The following CACNB2 variants were observed in gnomAD, a reference collection of about 807,000 sequenced individuals.
CACNB2 encodes the protein voltage-dependent L-type calcium channel subunit beta-2.
In CACNB2, 42 loss-of-function variants were observed where a neutral mutation model predicts 73.3. That is an observed-to-expected ratio of 0.57 (90% CI 0.45 to 0.74). CACNB2 has a LOEUF of 0.74. CACNB2 is among the 30% of genes least tolerant of loss of function. The pLI is 0.00. For missense variants in CACNB2, 940 were observed against 853.0 expected (o/e 1.10, Z -1.27); for synonymous variants, 348 against 310.3 (o/e 1.12, Z -1.28).
intron 2 of CACNB2, among the ~76,000 whole-genome samples, chr10:18,365,976 T>A (rs1173749051): frequency 6.6e-6 from 1 of 152,194 alleles, no homozygotes; most frequent in Non-Finnish European, 1.5e-5. Flanking sequence ...TCACAAACAC[T>A]CACATTCCCT....
At chr10:18,344,372 C>CT (rs201109681) in intron 2 of CACNB2, among the ~76,000 whole-genome samples, 337 of 141,486 alleles carry the variant, frequency 2.4e-3, no homozygotes, top group East Asian at 0.02. Context: ...ATTGACAAAA[C>CT]TTTTTTTTTT....
At chr10:18,331,173 A>C (rs1342164267) in intron 2 of CACNB2, among the ~76,000 whole-genome samples, 1 of 151,670 alleles carries the variant, frequency 6.6e-6, no homozygotes, top group Non-Finnish European at 1.5e-5. Context: ...TTTAGTAGAG[A>C]CGGGGTTTCA....
At chr10:18,180,508 T>C (rs2033818862) in intron 2 of CACNB2, among the ~76,000 whole-genome samples, 1 of 151,992 alleles carries the variant, frequency 6.6e-6, no homozygotes, top group African/African-American at 2.4e-5. Flanking sequence ...CAAATCCTGT[T>C]GCGTCGCAGA....
intron 2 of CACNB2, among the ~76,000 whole-genome samples, chr10:18,337,431 T>C (rs916872793): frequency 6.6e-6 from 1 of 152,216 alleles, no homozygotes; most frequent in Non-Finnish European, 1.5e-5. Flanking sequence ...CTCTTACCCA[T>C]TGTAGCATTT....
intron 2 of CACNB2, among the ~76,000 whole-genome samples, chr10:18,347,600 T>A (rs11013755): frequency 6.6e-6 from 1 of 151,948 alleles, no homozygotes; most frequent in East Asian, 1.9e-4. Context: ...AATTTTTATC[T>A]CTCTACTGCT....
At chr10:18,377,813 G>A (rs539864831) in intron 2 of CACNB2, among the ~76,000 whole-genome samples, 1 of 152,248 alleles carries the variant, frequency 6.6e-6, no homozygotes, top group Middle Eastern at 3.4e-3. Flanking sequence ...GATGCCACTT[G>A]GTAGAAAGCT....
At chr10:18,145,502 A>T (rs1263040600) in intron 1 of CACNB2, among the ~76,000 whole-genome samples, 1 of 152,022 alleles carries the variant, frequency 6.6e-6, no homozygotes, top group Non-Finnish European at 1.5e-5. Context: ...AATATATCTG[A>T]GTGATTTGAG....
At chr10:18,347,639 A>G (rs2489198) in intron 2 of CACNB2, among the ~76,000 whole-genome samples, 70,955 of 151,740 alleles carry the variant, frequency 0.47, 17,188 homozygotes, top group Admixed American at 0.5. Context: ...AAGCCTATAC[A>G]GGTAATGCAG....
At chr10:18,274,458 G>A (rs368949612) in intron 2 of CACNB2, among the ~76,000 whole-genome samples, 2 of 152,130 alleles carry the variant, frequency 1.3e-5, no homozygotes, top group East Asian at 3.9e-4. Flanking sequence ...AAAGACCCTA[G>A]AATTTCTCAC....
chr10:18,186,528 C>T (rs1399830475), intron 2 of CACNB2, among the ~76,000 whole-genome samples: 1 of 152,140 alleles, frequency 6.6e-6, no homozygotes, highest in Non-Finnish European at 1.5e-5. Context: ...ATGCTGGCAT[C>T]TCCTCAGCTT....
chr10:18,420,306 AAC>A (rs2045249019), intron 3 of CACNB2, among the ~76,000 whole-genome samples: 1 of 138,850 alleles, frequency 7.2e-6, no homozygotes, highest in Non-Finnish European at 1.6e-5. Context: ...ATAGGAGATA[AAC>A]ACACATACAC....
At chr10:18,238,936 G>A (rs1042000988) in intron 2 of CACNB2, among the ~76,000 whole-genome samples, 2 of 152,106 alleles carry the variant, frequency 1.3e-5, no homozygotes, top group Non-Finnish European at 2.9e-5. Flanking sequence ...GTGAAGTCAC[G>A]AATTTGCTTT....
At chr10:18,405,663 A>G (rs760990244) in intron 3 of CACNB2, among the ~76,000 whole-genome samples, 12 of 152,162 alleles carry the variant, frequency 7.9e-5, no homozygotes, top group Non-Finnish European at 1.3e-4. Context: ...TGAAGCAGTG[A>G]TAAGATAGAC....
intron 3 of CACNB2, among the ~76,000 whole-genome samples, chr10:18,403,402 G>A (rs1022351310): frequency 2.0e-5 from 3 of 152,180 alleles, no homozygotes; most frequent in Admixed American, 2.0e-4. Context: ...ATTTTGCATT[G>A]TGTGTAAAGA....
At chr10:18,223,548 G>T (rs1350193729) in intron 2 of CACNB2, among the ~76,000 whole-genome samples, 1 of 152,034 alleles carries the variant, frequency 6.6e-6, no homozygotes, top group Non-Finnish European at 1.5e-5. Flanking sequence ...TAATACTTAT[G>T]CAGAAAAGCA....
rs117147414 is a variant in CACNB2 at position 18,287,814 on chromosome 10, C to T, written c.214-114110C>T. ...GCACTGAGCTATGATCATGACACTG[C>T]ACTCCAGCCTGGGTGACAAAGTGAG... On this transcript the variant is annotated intron_variant, in intron 2 of 13. Transcript: ENST00000324631. Among the ~76,000 whole-genome samples, 819 of 152,298 alleles carry T rather than the reference C, an allele frequency of 5.4e-3. 18 individuals are homozygous for T. The East Asian group carries it at 0.076, about 14-fold the overall frequency.
chr10:18,520,327 T>C (rs933128142), intron 9 of CACNB2, among the ~76,000 whole-genome samples: 3 of 152,186 alleles, frequency 2.0e-5, no homozygotes, highest in African/African-American at 4.8e-5. Context: ...GTTCTTTCTC[T>C]CTTATATTTC....
At chr10:18,221,412 C>T (rs2035788160) in intron 2 of CACNB2, among the ~76,000 whole-genome samples, 1 of 152,168 alleles carries the variant, frequency 6.6e-6, no homozygotes, top group African/African-American at 2.4e-5. Context: ...GGCATGGTGG[C>T]TCATGCTGGT....
chr10:18,190,311 G>T (rs1326078471), intron 2 of CACNB2, among the ~76,000 whole-genome samples: 1 of 152,058 alleles, frequency 6.6e-6, no homozygotes, highest in East Asian at 1.9e-4. Flanking sequence ...ATGGCACAGG[G>T]GTCGCTTCCA....
Sources: allele counts gnomAD v4.1 joint callset (sites outside exome capture counted in the v4.1 genomes callset), GRCh38; gene constraint gnomAD v4.1.1; transcripts MANE v1.5; gene names NCBI Gene and HGNC (gene_info 2026-07-23, HGNC 2026-07-21).